The following TSC22D2 variants were observed in gnomAD, a reference collection of about 807,000 sequenced individuals.
TSC22D2 encodes the protein TSC22 domain family member 2.
A neutral mutation model predicts 50.1 loss-of-function variants in TSC22D2; 5 were observed. The observed-to-expected ratio is 0.10, with a 90% CI of 0.05 to 0.21. The LOEUF is 0.21. Ranked by LOEUF, TSC22D2 falls within the 10% of genes least tolerant of loss-of-function variation. TSC22D2 has a pLI of 1.00. For missense variants in TSC22D2, 1,003 were observed against 1,015.5 expected, an observed-to-expected ratio of 0.99 and a Z score of 0.17; for synonymous variants, 501 against 450.1, an observed-to-expected ratio of 1.11 and a Z score of -1.43.
chr3:150,412,375 TACAA>T (rs1719618626), intron 1 of TSC22D2, among the ~76,000 whole-genome samples: 1 of 152,348 alleles, frequency 6.6e-6, no homozygotes, highest in African/African-American at 2.4e-5. Context: ...TTTTAAAAGA[TACAA>T]ACTAATATTA....
intron 1 of TSC22D2, among the ~76,000 whole-genome samples, chr3:150,453,386 G>C (rs1215460473): frequency 2.0e-5 from 3 of 152,136 alleles, no homozygotes; most frequent in African/African-American, 7.2e-5. Context: ...TACCCTCATT[G>C]AAACAGTATT....
intron 1 of TSC22D2, among the ~76,000 whole-genome samples, chr3:150,434,507 G>A (rs530826613): frequency 1.3e-5 from 2 of 152,246 alleles, no homozygotes; most frequent in African/African-American, 4.8e-5. Context: ...TGAGTATTAT[G>A]TAACTGGCTT....
chr3:150,453,392 G>T (rs1721100986), intron 1 of TSC22D2, among the ~76,000 whole-genome samples: 1 of 152,170 alleles, frequency 6.6e-6, no homozygotes, highest in South Asian at 2.1e-4. Context: ...CATTGAAACA[G>T]TATTTTTAAA....
At chr3:150,428,093 T>C (rs780972024) in intron 1 of TSC22D2, among the ~76,000 whole-genome samples, 1 of 152,152 alleles carries the variant, frequency 6.6e-6, no homozygotes, top group African/African-American at 2.4e-5. Flanking sequence ...ACATTGTGTT[T>C]AGTCATTGTG....
Position 150,461,986 on chromosome 3 carries a change from G to A in TSC22D2, c.*3350G>A, listed in dbSNP as rs780412661. On this transcript the variant is annotated 3_prime_UTR_variant, in exon 3 of 3. Coordinates refer to ENST00000688009, the MANE Select transcript of TSC22D2 (RefSeq NM_001303264.2). The stretch of plus-strand genomic sequence containing the variant: ...TCACATTTTTAAAAGAAGCTTTATG[G>A]CTCAGTGGCAAGCACTTTGTGACAT... 4.5e-4 allele frequency: 69 copies of A among 152,084 alleles called. 4 individuals are homozygous for A. The highest frequency in any genetic ancestry group is 1.3e-4 in the Admixed American group (2 of 15,264). The allele number at this position is 152,084 out of a possible 1,614,324, so 9.4% of individuals were successfully genotyped here. A position where few individuals can be genotyped will look rare whatever the true frequency, so the allele number is the denominator to read the frequency against.
At chr3:150,420,638 T>A (rs1168555199) in intron 1 of TSC22D2, among the ~76,000 whole-genome samples, 3 of 152,228 alleles carry the variant, frequency 2.0e-5, no homozygotes, top group African/African-American at 7.2e-5. Context: ...GTTTTTCACC[T>A]TTACATTTGA....
At chr3:150,423,225 G>T in intron 1 of TSC22D2, 2 of 774,084 alleles carry the variant, frequency 2.6e-6, no homozygotes, top group Non-Finnish European at 4.1e-6. Context: ...ATTTTAGGGG[G>T]GAAATCACAT....
intron 1 of TSC22D2, among the ~76,000 whole-genome samples, chr3:150,453,935 G>A (rs1259028421): frequency 6.6e-6 from 1 of 152,102 alleles, no homozygotes; most frequent in Admixed American, 6.5e-5. Context: ...TGCTCAGTGT[G>A]CCAAGTACTA....
chr3:150,435,051 C>T (rs1720493552), intron 1 of TSC22D2, among the ~76,000 whole-genome samples: 1 of 152,164 alleles, frequency 6.6e-6, no homozygotes, highest in Admixed American at 6.5e-5. Flanking sequence ...GATCTCGGCT[C>T]ACTGCAACCT....
At chr3:150,433,744 A>G (rs894419256) in intron 1 of TSC22D2, among the ~76,000 whole-genome samples, 7 of 152,144 alleles carry the variant, frequency 4.6e-5, no homozygotes, top group African/African-American at 1.4e-4. Flanking sequence ...AGAGGTATCA[A>G]CTCTTCAAAA....
chr3:150,418,839 G>A (rs925704874), intron 1 of TSC22D2, among the ~76,000 whole-genome samples: 4 of 151,932 alleles, frequency 2.6e-5, no homozygotes, highest in African/African-American at 9.7e-5. Flanking sequence ...TATCCTTTTA[G>A]TGATTATTGC....
At chr3:150,455,960 G>A (rs927154228) in intron 1 of TSC22D2, among the ~76,000 whole-genome samples, 4 of 151,488 alleles carry the variant, frequency 2.6e-5, no homozygotes, top group African/African-American at 9.8e-5. Flanking sequence ...TTAATACATG[G>A]TAGAATATAA....
At position 150,466,066 on chromosome 3, in the gene TSC22D2, A is replaced by G. The variant is rs1183032196; in HGVS notation, c.*7430A>G. Reference sequence around the variant, plus strand: ...ACACATGATGAAGTATTAAGTATCAATGAAAAAGAGAGAGTCCTACATGTC... The same window carrying G: ...ACACATGATGAAGTATTAAGTATCAGTGAAAAAGAGAGAGTCCTACATGTC... On this transcript the variant is annotated 3_prime_UTR_variant, in exon 3 of 3. Coordinates refer to ENST00000688009, the MANE Select transcript of TSC22D2 (RefSeq NM_001303264.2). 2.6e-5 allele frequency: 4 copies of G among 152,190 alleles called. No individual in the cohort carries two copies. Among genetic ancestry groups the G allele is most frequent in the Non-Finnish European group, 5.9e-5 (4 of 68,026 alleles). 9.4% of individuals were successfully genotyped at this position (152,190 alleles called of 1,614,324 possible). A position where few individuals can be genotyped will look rare whatever the true frequency, so the allele number is the denominator to read the frequency against.
chr3:150,422,996 G>T, intron 1 of TSC22D2: 1 of 1,326,574 alleles, frequency 7.5e-7, no homozygotes, highest in South Asian at 1.2e-5. Flanking sequence ...GAAAAGTAGT[G>T]ATTATACTGT....
rs1050202678 is a variant in TSC22D2, at chr3:150,460,076, T to C, written c.*1440T>C. The C allele has an allele frequency of 2.0e-5, 3 of 152,138 alleles. No individual in the cohort carries two copies. Among genetic ancestry groups the C allele is most frequent in the Non-Finnish European group, 4.4e-5 (3 of 68,010 alleles). The allele number at this position is 152,138 out of a possible 1,614,324, so 9.4% of individuals were successfully genotyped here. A position where few individuals can be genotyped will look rare whatever the true frequency, so the allele number is the denominator to read the frequency against. On this transcript the variant is annotated 3_prime_UTR_variant, in exon 3 of 3. Coordinates refer to ENST00000688009, the MANE Select transcript of TSC22D2 (RefSeq NM_001303264.2). ...TATGTCAGAAATTGATGTATAAATA[T>C]ATATTTTAACATTTTCTGAAATTAA...
At chr3:150,444,151 T>C (rs1385672286) in intron 1 of TSC22D2, among the ~76,000 whole-genome samples, 1 of 152,154 alleles carries the variant, frequency 6.6e-6, no homozygotes, top group Non-Finnish European at 1.5e-5. Context: ...AACCTACCTT[T>C]ATTGGGGAGA....
intron 1 of TSC22D2, among the ~76,000 whole-genome samples, chr3:150,437,126 C>T (rs913744765): frequency 1.3e-5 from 2 of 152,196 alleles, no homozygotes; most frequent in Admixed American, 6.5e-5. Flanking sequence ...TATAAATGTA[C>T]ATTCTTATCA....
rs758653797 is a variant in TSC22D2 at position 150,411,041 on chromosome 3, G to C, written c.1691G>C (p.Gly564Ala). The C allele has an allele frequency of 3.1e-6, 5 of 1,614,158 alleles. No homozygotes were observed. The highest frequency in any genetic ancestry group is 1.7e-6 in the Non-Finnish European group (2 of 1,180,034). The stretch of plus-strand genomic sequence containing the variant: ...CATGTTGGGCTGCCCTTAGCGCCAG[G>C]CACACACAGCGCACCAACAAGTCTA... ...IQHVGLPLAPGTHSAPTSLPQ... is the reference protein window; with the variant it reads ...IQHVGLPLAPATHSAPTSLPQ... Residue 564 changes from glycine (G) to alanine (A), a missense_variant, in exon 1 of 3, where the codon GGC becomes GCC. Coordinates refer to ENST00000688009, the MANE Select transcript of TSC22D2 (RefSeq NM_001303264.2).
At chr3:150,442,273 C>T (rs2108090597) in intron 1 of TSC22D2, among the ~76,000 whole-genome samples, 1 of 152,272 alleles carries the variant, frequency 6.6e-6, no homozygotes, top group Admixed American at 6.5e-5. Flanking sequence ...TCACACTTAA[C>T]ATCTTATATA....
Sources: gnomAD v4.1 joint callset for allele counts (sites outside exome capture counted in the v4.1 genomes callset) on GRCh38, gnomAD v4.1.1 for gene constraint, MANE v1.5 for transcripts, NCBI Gene and HGNC (gene_info 2026-07-23, HGNC 2026-07-21) for gene names.